Variants in PAPSS2 observed in about 807,000 individuals in gnomAD.
PAPSS2 encodes the protein 3'-phosphoadenosine 5'-phosphosulfate synthase 2, also known as bifunctional 3'-phosphoadenosine 5'-phosphosulfate synthase 2.
A neutral mutation model predicts 66.5 loss-of-function variants in PAPSS2; 61 were observed. The observed-to-expected ratio is 0.92, with a 90% CI of 0.75 to 1.14. The LOEUF is 1.14. Among genes scored for constraint, PAPSS2 ranks in the 50% most tolerant of loss-of-function variants. The probability of loss-of-function intolerance (pLI) is 0.00; values close to 1 mark genes in which losing one functional copy is unlikely to be tolerated. For synonymous variants in PAPSS2, 289 were observed against 287.5 expected, an observed-to-expected ratio of 1.01 and a Z score of -0.05; for missense variants, 708 against 789.6, an observed-to-expected ratio of 0.90 and a Z score of 1.24.
rs763912986 is a variant in PAPSS2, at chr10:87,745,920, A to G, written c.1810A>G (p.Lys604Glu). Reference protein sequence around the residue: ...ENPPDGFMAPKAWKVLTDYYR... With the variant: ...ENPPDGFMAPEAWKVLTDYYR... ...TCCCCCAGATGGCTTCATGGCCCCC[A>G]AAGCATGGAAGGTCCTGACAGATTA... The change falls in exon 13 of 13, where the codon AAA becomes GAA. Residue 604 changes from lysine to glutamate, a missense_variant. By Grantham distance (56) the Lys-to-Glu change is moderately conservative. Coordinates refer to ENST00000456849, the MANE Select transcript of PAPSS2 (RefSeq NM_001015880.2). The G allele has an allele frequency of 6.2e-7, 1 of 1,614,098 alleles. No individual in the cohort carries two copies. Among genetic ancestry groups the G allele is most frequent in the Non-Finnish European group, 8.5e-7 (1 of 1,179,952 alleles).
chr10:87,715,122 A>G, intron 6 of PAPSS2, 24 bp downstream of exon 6: 5 of 1,173,390 alleles, frequency 4.3e-6, no homozygotes, highest in Non-Finnish European at 6.4e-6. Context: ...GACTGGTCAA[A>G]TAATTAGGCT....
At chr10:87,680,434 A>C (rs1046724287) in intron 1 of PAPSS2, among the ~76,000 whole-genome samples, 4 of 152,146 alleles carry the variant, frequency 2.6e-5, no homozygotes, top group Non-Finnish European at 5.9e-5. Context: ...TCATCAATGG[A>C]ATACACTGGA....
intron 9 of PAPSS2, among the ~76,000 whole-genome samples, chr10:87,731,915 A>G (rs1209901821): frequency 6.6e-6 from 1 of 152,232 alleles, no homozygotes; most frequent in Non-Finnish European, 1.5e-5. Flanking sequence ...CAAAGTATTC[A>G]GAATATTATG....
intron 9 of PAPSS2, among the ~76,000 whole-genome samples, chr10:87,734,045 C>A (rs1281806744): frequency 6.6e-6 from 1 of 152,150 alleles, no homozygotes; most frequent in Non-Finnish European, 1.5e-5. Flanking sequence ...CATTTCAATT[C>A]TTTCCTCTCT....
intron 2 of PAPSS2, among the ~76,000 whole-genome samples, chr10:87,710,306 A>G (rs1485237628): frequency 1.3e-5 from 2 of 152,084 alleles, no homozygotes; most frequent in African/African-American, 4.8e-5. Context: ...GGTTTCATTC[A>G]TGCCTGGACT....
chr10:87,724,986 T>C (rs903953521), intron 8 of PAPSS2, among the ~76,000 whole-genome samples: 1 of 151,776 alleles, frequency 6.6e-6, no homozygotes, highest in African/African-American at 2.4e-5. Flanking sequence ...GCGGTTCAAG[T>C]CCACAGGCGG....
intron 9 of PAPSS2, among the ~76,000 whole-genome samples, chr10:87,738,744 A>G (rs1589443366): frequency 6.6e-6 from 1 of 152,210 alleles, no homozygotes; most frequent in East Asian, 1.9e-4. Context: ...TGGATGGGAG[A>G]TGATATCTCA....
intron 8 of PAPSS2, among the ~76,000 whole-genome samples, chr10:87,722,561 G>A (rs1368163652): frequency 6.6e-6 from 1 of 152,118 alleles, no homozygotes; most frequent in Non-Finnish European, 1.5e-5. Flanking sequence ...CTATCTCTTG[G>A]ACTTACTGTG....
intron 1 of PAPSS2, among the ~76,000 whole-genome samples, chr10:87,679,109 GA>G (rs1353682402): frequency 6.6e-6 from 1 of 152,194 alleles, no homozygotes; most frequent in African/African-American, 2.4e-5. Flanking sequence ...AAAAAAGAAT[GA>G]AATCATGTCA....
intron 1 of PAPSS2, among the ~76,000 whole-genome samples, chr10:87,681,110 G>GCACAGGAC: frequency 6.6e-6 from 1 of 152,266 alleles, no homozygotes; most frequent in East Asian, 1.9e-4. Context: ...ATCCTACAAT[G>GCACAGGAC]CACAGGACCA....
In PAPSS2 at chr10:87,743,494, T is replaced by A. The variant is rs1217773900; in HGVS notation, c.1344T>A (p.Pro448=). 1.2e-6 allele frequency: 2 copies of A among 1,613,958 alleles called. No homozygotes were observed. The highest frequency in any genetic ancestry group is 1.7e-6 in the Non-Finnish European group (2 of 1,180,014). The change falls in exon 11 of 13, where the codon CCT becomes CCA. Residue 448 remains proline (P), a synonymous_variant. Transcript: ENST00000456849. The stretch of plus-strand genomic sequence containing the variant: ...AGCACCCGGTCCTCCTACTACACCC[T>A]CTGGGCGGCTGGACCAAGGATGACG... ...GYKHPVLLLH[P]LGGWTKDDDV...
At chr10:87,661,785 T>C (rs1852756063) in intron 1 of PAPSS2, among the ~76,000 whole-genome samples, 1 of 152,222 alleles carries the variant, frequency 6.6e-6, no homozygotes, top group Non-Finnish European at 1.5e-5. Flanking sequence ...GGTGGGTGTA[T>C]GTGTGTGTCT....
intron 9 of PAPSS2, among the ~76,000 whole-genome samples, chr10:87,729,194 A>G (rs1437727780): frequency 2.0e-5 from 3 of 150,888 alleles, no homozygotes; most frequent in Non-Finnish European, 3.0e-5. Flanking sequence ...TCATTTTACT[A>G]TGCTTCACTT....
At chr10:87,721,806 A>G (rs764593287) in intron 8 of PAPSS2, 36 bp downstream of exon 8, 1 of 1,171,998 alleles carries the variant, frequency 8.5e-7, no homozygotes, top group South Asian at 1.5e-5. Context: ...CTAAATTATT[A>G]TAATTATATA....
intron 1 of PAPSS2, among the ~76,000 whole-genome samples, chr10:87,695,264 G>T (rs930876864): frequency 6.6e-6 from 1 of 152,210 alleles, no homozygotes; most frequent in African/African-American, 2.4e-5. Context: ...AAACGGCCAG[G>T]TGGCTCTGTG....
intron 9 of PAPSS2, among the ~76,000 whole-genome samples, chr10:87,736,864 G>A (rs146698696): frequency 2.6e-5 from 4 of 152,190 alleles, no homozygotes; most frequent in Non-Finnish European, 5.9e-5. Context: ...TCTATGCTTG[G>A]CCTCTTCCTA....
chr10:87,730,278 A>T (rs530694055), intron 9 of PAPSS2, among the ~76,000 whole-genome samples: 1 of 152,296 alleles, frequency 6.6e-6, no homozygotes, highest in South Asian at 2.1e-4. Context: ...CCTTACCCCG[A>T]TGGGGTAGAG....
At chr10:87,660,039 G>A (rs1196687821) in intron 1 of PAPSS2, 31 bp downstream of exon 1, 8 of 1,602,796 alleles carry the variant, frequency 5.0e-6, no homozygotes, top group Non-Finnish European at 6.8e-6. Flanking sequence ...TTCCCTCCCC[G>A]CCACCGCACT....
intron 1 of PAPSS2, among the ~76,000 whole-genome samples, chr10:87,685,446 T>TA (rs1190477396): frequency 6.6e-6 from 1 of 152,176 alleles, no homozygotes; most frequent in Non-Finnish European, 1.5e-5. Context: ...TCCTGGCACT[T>TA]ACGGAGGACA....
Sources: allele counts gnomAD v4.1 joint callset (sites outside exome capture counted in the v4.1 genomes callset), GRCh38; gene constraint gnomAD v4.1.1; transcripts MANE v1.5; gene names NCBI Gene and HGNC (gene_info 2026-07-23, HGNC 2026-07-21).